The following SH3KBP1 variants were observed in gnomAD, a reference collection of about 807,000 sequenced individuals.
SH3KBP1 encodes the protein SH3 domain containing kinase binding protein 1.
Under a neutral mutation model 50.1 loss-of-function variants are expected in SH3KBP1, and 8 were observed. The observed-to-expected ratio is 0.16, with a 90% CI of 0.09 to 0.29. The LOEUF is 0.29. Among genes scored for constraint, SH3KBP1 ranks in the 10% least tolerant of loss-of-function variants. The pLI is 1.00. For missense variants in SH3KBP1, 377 were observed against 535.2 expected (o/e 0.70, Z 2.92); for synonymous variants, 227 against 218.6 (o/e 1.04, Z -0.34).
intron 1 of SH3KBP1, among the ~76,000 whole-genome samples, chrX:19,870,898 G>C (rs2069024092): frequency 9.0e-6 from 1 of 111,500 alleles, no homozygotes; most frequent in African/African-American, 3.3e-5. Flanking sequence ...GAAGCACACC[G>C]CCGTGTCTCC....
At chrX:19,683,267 C>G in intron 6 of SH3KBP1, 1 of 355,121 alleles carries the variant, frequency 2.8e-6, no homozygotes, top group Non-Finnish European at 5.5e-6. Context: ...AAGGAAACAG[C>G]CAGCTTCCTG....
intron 3 of SH3KBP1, among the ~76,000 whole-genome samples, chrX:19,722,698 A>G (rs1270876518): frequency 9.2e-6 from 1 of 109,145 alleles, no homozygotes; most frequent in Non-Finnish European, 1.9e-5. Flanking sequence ...ATAATTGCAC[A>G]GGATCTGCCT....
intron 9 of SH3KBP1, among the ~76,000 whole-genome samples, chrX:19,595,987 T>C (rs780661905): frequency 8.9e-6 from 1 of 112,389 alleles, no homozygotes; most frequent in East Asian, 2.8e-4. Flanking sequence ...ACACAGGTCC[T>C]CCATGGGATG....
chrX:19,701,220 A>T (rs1270763921), intron 4 of SH3KBP1, among the ~76,000 whole-genome samples: 1 of 111,817 alleles, frequency 8.9e-6, no homozygotes, highest in South Asian at 3.8e-4. Flanking sequence ...AAATATGAAC[A>T]AATGGTAACA....
intron 6 of SH3KBP1, among the ~76,000 whole-genome samples, chrX:19,679,332 G>A (rs1320060183): frequency 3.6e-5 from 4 of 112,059 alleles, no homozygotes; most frequent in Non-Finnish European, 7.5e-5. Context: ...CTCAATACAT[G>A]CTAGTTGAAA....
chrX:19,760,033 T>TCTCC (rs1556346090), intron 2 of SH3KBP1, among the ~76,000 whole-genome samples: 9 of 64,802 alleles, frequency 1.4e-4, no homozygotes, highest in African/African-American at 8.3e-5. Context: ...CCTCTCTCTC[T>TCTCC]CTCTCTCCCT....
At chrX:19,872,208 C>G (rs552152110) in intron 1 of SH3KBP1, among the ~76,000 whole-genome samples, 2 of 88,312 alleles carry the variant, frequency 2.3e-5, no homozygotes, top group African/African-American at 8.8e-5. Flanking sequence ...GCTGAGATCG[C>G]GCCATTGCAC....
chrX:19,564,499 G>A (rs2065779562), intron 13 of SH3KBP1, among the ~76,000 whole-genome samples: 1 of 110,106 alleles, frequency 9.1e-6, no homozygotes, highest in African/African-American at 3.3e-5. Flanking sequence ...GACTCAAATG[G>A]TATCATTTCA....
chrX:19,680,402 A>C lies in SH3KBP1; in HGVS notation c.726+3421T>G, dbSNP rs571472574. 3.7e-5 allele frequency among the ~76,000 whole-genome samples: 4 copies of C among 107,944 alleles called. No individual in the cohort carries two copies. In the South Asian group the frequency reaches 1.6e-3, roughly 43 times the overall value. 93.7% of individuals were successfully genotyped at this position (107,944 alleles called of 115,157 possible). ...TTTCAAAAAAAAAAAAAAAAAAAAA[A>C]CTTCACAAACCTGAACGAAAAGTAT... is the stretch of plus-strand genomic sequence containing the variant. On this transcript the variant is annotated intron_variant, in intron 6 of 17. Coordinates refer to ENST00000397821, the MANE Select transcript of SH3KBP1 (RefSeq NM_031892.3).
intron 1 of SH3KBP1, among the ~76,000 whole-genome samples, chrX:19,863,521 A>C (rs1188531053): frequency 8.9e-6 from 1 of 112,498 alleles, no homozygotes; most frequent in Non-Finnish European, 1.9e-5. Flanking sequence ...AGAACTTGTC[A>C]GTTCTTCAAA....
At chrX:19,807,981 G>A (rs187729414) in intron 2 of SH3KBP1, among the ~76,000 whole-genome samples, 3 of 111,931 alleles carry the variant, frequency 2.7e-5, no homozygotes, top group African/African-American at 9.7e-5. Flanking sequence ...GTTGAGGTTT[G>A]TTGTTCCTAT....
chrX:19,658,557 T>C (rs921267130), intron 6 of SH3KBP1, among the ~76,000 whole-genome samples: 2 of 111,471 alleles, frequency 1.8e-5, no homozygotes, highest in Admixed American at 1.9e-4. Context: ...GGCTCAATGA[T>C]ATCTTTCTTT....
intron 3 of SH3KBP1, among the ~76,000 whole-genome samples, chrX:19,721,379 C>A (rs886298968): frequency 8.9e-6 from 1 of 111,788 alleles, no homozygotes; most frequent in Non-Finnish European, 1.9e-5. Context: ...TTATTTATTT[C>A]CCACTACATG....
intron 2 of SH3KBP1, among the ~76,000 whole-genome samples, chrX:19,755,148 T>A (rs991406496): frequency 4.5e-5 from 5 of 111,138 alleles, no homozygotes; most frequent in Admixed American, 9.5e-5. Context: ...GGCAGGCGGA[T>A]CACGAGGTCA....
At chrX:19,886,716 G>A (rs2069592982) in intron 1 of SH3KBP1, among the ~76,000 whole-genome samples, 1 of 111,035 alleles carries the variant, frequency 9.0e-6, no homozygotes, top group Non-Finnish European at 1.9e-5. Context: ...GGTCGGGGCC[G>A]GGAGGAAGGG....
chrX:19,707,112 G>A lies in SH3KBP1; in HGVS notation c.287-128C>T, dbSNP rs188830651. ...AAATATGCTCTCTGGGACATGGCTTGAGGCACGGCAGCCCTGGTCTCTTAG... is the reference window on the plus strand; with the variant it reads ...AAATATGCTCTCTGGGACATGGCTTAAGGCACGGCAGCCCTGGTCTCTTAG... On this transcript the variant is annotated intron_variant, in intron 3 of 17. Transcript: ENST00000397821. The A allele has an allele frequency of 3.4e-3, 2,013 of 592,211 alleles. 8 individuals are homozygous for A. The highest frequency in any genetic ancestry group is 9.9e-3 in the South Asian group (443 of 44,816). 48.8% of individuals were successfully genotyped at this position (592,211 alleles called of 1,213,427 possible).
In SH3KBP1 at chrX:19,739,014, GAAAAAAAAAAA is replaced by G. The variant is rs1167676836; in HGVS notation, c.286+7293_286+7303del. Among the ~76,000 whole-genome samples, 7 of 22,459 alleles carry G rather than the reference GAAAAAAAAAAA, an allele frequency of 3.1e-4. No individual in the cohort carries two copies. In the East Asian group the frequency reaches 3.8e-3, roughly 12 times the overall value. The allele number at this position is 22,459 out of a possible 115,157, so 19.5% of individuals were successfully genotyped here. A position where few individuals can be genotyped will look rare whatever the true frequency, so the allele number is the denominator to read the frequency against. ...GGATAGAGCGAGACTCTGCCTCCAA[GAAAAAAAAAAA>G]AAAAAAAAAAAAAAGACTTATATGT... On this transcript the variant is annotated intron_variant, in intron 3 of 17. Coordinates refer to ENST00000397821, the MANE Select transcript of SH3KBP1 (RefSeq NM_031892.3).
At position 19,866,050 on chromosome X, in the gene SH3KBP1, A is replaced by G. The variant is rs758434783; in HGVS notation, c.4+21257T>C. Among the ~76,000 whole-genome samples the G allele has an allele frequency of 1.1e-4, 12 of 112,055 alleles. 1 individual carries two copies. The South Asian group carries it at 2.2e-3, about 21-fold the overall frequency. ...GTTCAAGCTAACATAAAGCAAGAGG[A>G]AAAAAGAAGAAAAACATCCCGCATT... On this transcript the variant is annotated intron_variant, in intron 1 of 17. Coordinates refer to ENST00000397821, the MANE Select transcript of SH3KBP1 (RefSeq NM_031892.3).
chrX:19,705,075 A>G (rs765970466), intron 4 of SH3KBP1, among the ~76,000 whole-genome samples: 1 of 112,003 alleles, frequency 8.9e-6, no homozygotes, highest in African/African-American at 3.2e-5. Context: ...CAGCTTAACC[A>G]CTAAATATTT....
Sources: allele counts gnomAD v4.1 joint callset (sites outside exome capture counted in the v4.1 genomes callset), GRCh38; gene constraint gnomAD v4.1.1; transcripts MANE v1.5; gene names NCBI Gene and HGNC (gene_info 2026-07-23, HGNC 2026-07-21).